Variants in GNA14 observed in about 807,000 individuals in gnomAD.
GNA14 encodes the protein G protein subunit alpha 14.
In GNA14, 50 loss-of-function variants were observed where a neutral mutation model predicts 42.0. The ratio of observed to expected loss-of-function variants is 1.19; its 90% confidence interval spans 0.95 to 1.51. The LOEUF is 1.51. Among genes scored for constraint, GNA14 ranks in the 40% most tolerant of loss-of-function variants. The pLI, the probability that GNA14 is intolerant of heterozygous loss-of-function variation, is 0.00. For synonymous variants in GNA14, 173 were observed against 163.1 expected (o/e 1.06, Z -0.46); for missense variants, 473 against 446.2 (o/e 1.06, Z -0.54).
At chr9:77,425,434 G>A (rs1413744073) in intron 6 of GNA14, 128 bp downstream of exon 6, 1 of 618,972 alleles carries the variant, frequency 1.6e-6, no homozygotes, top group African/African-American at 1.9e-5. Flanking sequence ...GTTTGAAGGT[G>A]GGAATAGGGG....
intron 2 of GNA14, among the ~76,000 whole-genome samples, chr9:77,439,627 A>G (rs111249335): frequency 0.016 from 2,447 of 152,116 alleles, 36 homozygotes; most frequent in African/African-American, 0.043. Flanking sequence ...AAAGAGTGAG[A>G]TACTGTTTCA....
chr9:77,487,568 A>C (rs979476903), intron 2 of GNA14, among the ~76,000 whole-genome samples: 1 of 152,200 alleles, frequency 6.6e-6, no homozygotes, highest in African/African-American at 2.4e-5. Context: ...AGAGACATAA[A>C]AATGTAAACA....
chr9:77,439,038 T>C (rs1331088468), intron 2 of GNA14, among the ~76,000 whole-genome samples: 1 of 152,210 alleles, frequency 6.6e-6, no homozygotes, highest in African/African-American at 2.4e-5. Context: ...CTGTTGCATA[T>C]AGTGATTATA....
At chr9:77,592,219 C>T (rs182486717) in intron 1 of GNA14, among the ~76,000 whole-genome samples, 23 of 152,318 alleles carry the variant, frequency 1.5e-4, no homozygotes, top group Non-Finnish European at 2.5e-4. Flanking sequence ...GCACTTTCTT[C>T]TGTCAGCCTG....
At chr9:77,543,048 TCA>T (rs1357282890) in intron 1 of GNA14, among the ~76,000 whole-genome samples, 3 of 152,192 alleles carry the variant, frequency 2.0e-5, no homozygotes, top group East Asian at 1.9e-4. Flanking sequence ...ACTGTGAAAC[TCA>T]CAGTTTGCTG....
intron 5 of GNA14, among the ~76,000 whole-genome samples, chr9:77,428,294 T>C (rs1261011902): frequency 6.6e-6 from 1 of 151,982 alleles, no homozygotes; most frequent in Non-Finnish European, 1.5e-5. Flanking sequence ...TTAGCCAGGA[T>C]GGTCTCGATC....
intron 1 of GNA14, among the ~76,000 whole-genome samples, chr9:77,597,783 G>A (rs754696778): frequency 2.4e-4 from 37 of 151,806 alleles, no homozygotes; most frequent in East Asian, 5.8e-4. Context: ...CTTTTAGGCC[G>A]GGCATGGTGG....
intron 1 of GNA14, among the ~76,000 whole-genome samples, chr9:77,566,541 A>G (rs1372673098): frequency 6.6e-6 from 1 of 152,188 alleles, no homozygotes; most frequent in Admixed American, 6.5e-5. Flanking sequence ...TGCCCTTCAG[A>G]GTGGATATGC....
At chr9:77,478,968 T>G (rs1300445781) in intron 2 of GNA14, among the ~76,000 whole-genome samples, 4 of 152,206 alleles carry the variant, frequency 2.6e-5, no homozygotes, top group African/African-American at 7.2e-5. Flanking sequence ...TTTCTCCCAT[T>G]CTGTAGGTTG....
In GNA14 at chr9:77,508,713, C is replaced by G. The variant is rs10123852; in HGVS notation, c.309+20356G>C. ...GACTACAGTTCCCCTGTAGAAGAACCAGGCCTCCTTGGAGAAATGGCTGTG... is the reference window on the plus strand; with the variant it reads ...GACTACAGTTCCCCTGTAGAAGAACGAGGCCTCCTTGGAGAAATGGCTGTG... On this transcript the variant is annotated intron_variant, in intron 2 of 6. Coordinates refer to ENST00000341700, the MANE Select transcript of GNA14 (RefSeq NM_004297.4). Among the ~76,000 whole-genome samples the G allele has an allele frequency of 8.3e-3, 1,271 of 152,264 alleles. 24 individuals carry two copies. Among genetic ancestry groups the G allele is most frequent in the African/African-American group, 0.029 (1,201 of 41,536 alleles).
Position 77,437,415 on chromosome 9 carries a change from G to A in GNA14, c.310-2893C>T, listed in dbSNP as rs548586600. 2.0e-5 allele frequency among the ~76,000 whole-genome samples: 3 copies of A among 152,176 alleles called. No individual in the cohort carries two copies. The East Asian group carries it at 5.8e-4, about 30-fold the overall frequency. ...TTAAAAATTAGCTGGGTTTGGTGGT[G>A]CATGCCTGTCATCCCAGCTACTCGG... On this transcript the variant is annotated intron_variant, in intron 2 of 6. Coordinates refer to ENST00000341700, the MANE Select transcript of GNA14 (RefSeq NM_004297.4).
At chr9:77,513,506 G>A (rs560549054) in intron 2 of GNA14, among the ~76,000 whole-genome samples, 186 of 152,292 alleles carry the variant, frequency 1.2e-3, no homozygotes, top group Non-Finnish European at 2.1e-3. Flanking sequence ...TCATTTTAGC[G>A]CCCAGAAGTA....
intron 2 of GNA14, among the ~76,000 whole-genome samples, chr9:77,450,781 G>A (rs1186083654): frequency 6.6e-6 from 1 of 151,980 alleles, no homozygotes; most frequent in African/African-American, 2.4e-5. Flanking sequence ...ATCCCCATGT[G>A]TCGTGGGAGG....
intron 1 of GNA14, among the ~76,000 whole-genome samples, chr9:77,619,485 G>A (rs1823888784): frequency 6.6e-6 from 1 of 152,160 alleles, no homozygotes; most frequent in African/African-American, 2.4e-5. Context: ...ACAGGTATGA[G>A]CCACCATGCC....
At chr9:77,568,623 T>C (rs1823010025) in intron 1 of GNA14, among the ~76,000 whole-genome samples, 1 of 152,216 alleles carries the variant, frequency 6.6e-6, no homozygotes, top group African/African-American at 2.4e-5. Flanking sequence ...ATCTGTGGCA[T>C]GGAATCTGCT....
At chr9:77,483,761 G>GCT (rs747081426) in intron 2 of GNA14, among the ~76,000 whole-genome samples, 1 of 152,172 alleles carries the variant, frequency 6.6e-6, no homozygotes, top group Non-Finnish European at 1.5e-5. Context: ...GACTGAAAGA[G>GCT]CTCTGGAGGA....
At chr9:77,497,574 A>T (rs1406333321) in intron 2 of GNA14, among the ~76,000 whole-genome samples, 2 of 152,146 alleles carry the variant, frequency 1.3e-5, no homozygotes, top group Admixed American at 1.3e-4. Context: ...ACTATGTAAT[A>T]ATTACTGACT....
intron 1 of GNA14, among the ~76,000 whole-genome samples, chr9:77,549,867 T>C (rs994026281): frequency 3.3e-5 from 5 of 152,106 alleles, no homozygotes; most frequent in African/African-American, 9.7e-5. Flanking sequence ...CACATCCTCG[T>C]TGCAAGCGCT....
At chr9:77,621,487 A>T (rs1469074213) in intron 1 of GNA14, among the ~76,000 whole-genome samples, 1 of 152,218 alleles carries the variant, frequency 6.6e-6, no homozygotes, top group Non-Finnish European at 1.5e-5. Context: ...GCTTCACCAG[A>T]CCATGCCTAA....
Sources: gnomAD v4.1 joint callset for allele counts (sites outside exome capture counted in the v4.1 genomes callset) on GRCh38, gnomAD v4.1.1 for gene constraint, MANE v1.5 for transcripts, NCBI Gene and HGNC (gene_info 2026-07-23, HGNC 2026-07-21) for gene names.